Variants in UTS2 observed in about 807,000 individuals in gnomAD.
UTS2 encodes the protein urotensin 2, also known as urotensin-2.
In UTS2, 10 loss-of-function variants were observed where a neutral mutation model predicts 12.6. The observed-to-expected ratio is 0.80, with a 90% confidence interval of 0.49 to 1.35. The LOEUF is 1.35. Ranked by LOEUF, UTS2 falls within the 40% of genes most tolerant of loss-of-function variation. The pLI, the probability that UTS2 is intolerant of heterozygous loss-of-function variation, is 0.00. For synonymous variants in UTS2, 52 were observed against 50.0 expected, an observed-to-expected ratio of 1.04 and a Z score of -0.17; for missense variants, 142 against 143.2, an observed-to-expected ratio of 0.99 and a Z score of 0.04.
the UTS2 span, among the ~76,000 whole-genome samples, chr1:7,879,066 G>A: frequency 1.3e-5 from 2 of 152,148 alleles, no homozygotes; most frequent in Non-Finnish European, 2.9e-5. Flanking sequence ...AACAGTTGGA[G>A]ACTTTAACAC....
chr1:7,907,012 A>G, the UTS2 span, among the ~76,000 whole-genome samples: 1 of 152,140 alleles, frequency 6.6e-6, no homozygotes, highest in Non-Finnish European at 1.5e-5. Flanking sequence ...GCACTTTGGG[A>G]GACCAAGGGG....
the UTS2 span, among the ~76,000 whole-genome samples, chr1:7,896,651 A>C: frequency 6.6e-6 from 1 of 151,968 alleles, no homozygotes; most frequent in Admixed American, 6.6e-5. Flanking sequence ...GACTTTTTTC[A>C]ATTTTTCTTT....
At chr1:7,891,596 G>GA in the UTS2 span, among the ~76,000 whole-genome samples, 1 of 148,264 alleles carries the variant, frequency 6.7e-6, no homozygotes, top group African/African-American at 2.5e-5. Context: ...AAGAAAGAAA[G>GA]AAAATTGCCA....
At chr1:7,902,531 C>T in the UTS2 span, among the ~76,000 whole-genome samples, 3 of 152,142 alleles carry the variant, frequency 2.0e-5, no homozygotes, top group Non-Finnish European at 4.4e-5. Context: ...CATTGTTGGA[C>T]TATTAAGTTA....
At chr1:7,860,868 C>A in the UTS2 span, among the ~76,000 whole-genome samples, 1 of 151,880 alleles carries the variant, frequency 6.6e-6, no homozygotes, top group African/African-American at 2.4e-5. Context: ...CATGGTGAAA[C>A]CCTGTCTGAC....
the UTS2 span, among the ~76,000 whole-genome samples, chr1:7,894,173 CTTTTT>C: frequency 6.0e-5 from 9 of 149,552 alleles, no homozygotes; most frequent in Admixed American, 2.0e-4. Flanking sequence ...TTATCTCTCT[CTTTTT>C]TTATTTCTTT....
At chr1:7,880,746 A>G in the UTS2 span, among the ~76,000 whole-genome samples, 1 of 152,312 alleles carries the variant, frequency 6.6e-6, no homozygotes, top group African/African-American at 2.4e-5. Context: ...ACTAACACCA[A>G]TTCTTCTCAA....
chr1:7,876,688 T>A, the UTS2 span, among the ~76,000 whole-genome samples: 1 of 152,116 alleles, frequency 6.6e-6, no homozygotes, highest in Non-Finnish European at 1.5e-5. Flanking sequence ...ATATAAAGAC[T>A]ATACTTCTGG....
the UTS2 span, among the ~76,000 whole-genome samples, chr1:7,906,443 G>GAA: frequency 7.7e-5 from 7 of 90,348 alleles, no homozygotes; most frequent in Non-Finnish European, 1.6e-4. Flanking sequence ...AAGAAAGAAA[G>GAA]AAAAAGAGAA....
chr1:7,878,825 A>G, the UTS2 span, among the ~76,000 whole-genome samples: 4 of 152,230 alleles, frequency 2.6e-5, no homozygotes, highest in African/African-American at 9.7e-5. Flanking sequence ...AGTACAAAAA[A>G]CATATTCCCT....
the UTS2 span, among the ~76,000 whole-genome samples, chr1:7,908,820 T>A: frequency 6.6e-6 from 1 of 152,050 alleles, no homozygotes; most frequent in East Asian, 1.9e-4. Flanking sequence ...TTTTTTTTTT[T>A]TTTTGAGACG....
intron 1 of UTS2, among the ~76,000 whole-genome samples, chr1:7,852,296 A>G (rs747396541): frequency 1.9e-4 from 29 of 152,336 alleles, no homozygotes; most frequent in Admixed American, 1.3e-4. Flanking sequence ...ATAATGGCAA[A>G]ATGAGAAACT....
At chr1:7,906,473 A>AAGAAAGAAAGAAAGAAAGAAAGAAAG in the UTS2 span, among the ~76,000 whole-genome samples, 16 of 148,392 alleles carry the variant, frequency 1.1e-4, no homozygotes, top group African/African-American at 4.0e-4. Flanking sequence ...GAAAGAAAGA[A>AAGAAAGAAAGAAAGAAAGAAAGAAAG]AGAAAGAAAG....
chr1:7,882,723 A>G, the UTS2 span, among the ~76,000 whole-genome samples: 2 of 152,202 alleles, frequency 1.3e-5, no homozygotes, highest in Admixed American at 1.3e-4. Context: ...ACAGAAAACA[A>G]CAACACATCA....
At chr1:7,866,784 C>T in the UTS2 span, among the ~76,000 whole-genome samples, 2 of 152,176 alleles carry the variant, frequency 1.3e-5, no homozygotes, top group Non-Finnish European at 2.9e-5. The surrounding 1 kb of genome is among the most constrained non-coding windows in gnomAD (Gnocchi z 4.5). Context: ...TTGAACCCCA[C>T]CATCATTTCA....
At chr1:7,888,076 C>G in the UTS2 span, among the ~76,000 whole-genome samples, 29 of 152,324 alleles carry the variant, frequency 1.9e-4, no homozygotes, top group Non-Finnish European at 3.8e-4. Context: ...AACAGCTTCA[C>G]GTTGAACACT....
At chr1:7,864,545 T>C in the UTS2 span, among the ~76,000 whole-genome samples, 1 of 152,240 alleles carries the variant, frequency 6.6e-6, no homozygotes, top group South Asian at 2.1e-4. Flanking sequence ...CTGACGTCTG[T>C]CAGCATGCTT....
the UTS2 span, among the ~76,000 whole-genome samples, chr1:7,863,047 T>TTGAGAC: frequency 1.1e-4 from 4 of 37,028 alleles, no homozygotes; most frequent in South Asian, 1.1e-3. Context: ...TGTATTGTAT[T>TTGAGAC]GTATTGTATT....
the UTS2 span, among the ~76,000 whole-genome samples, chr1:7,891,828 T>G: frequency 2.0e-5 from 3 of 152,168 alleles, no homozygotes; most frequent in African/African-American, 7.2e-5. Context: ...ATTGTTTCAT[T>G]TATGTAAACT....
Sources: allele counts gnomAD v4.1 joint callset (sites outside exome capture counted in the v4.1 genomes callset), GRCh38; gene constraint gnomAD v4.1.1; non-coding constraint Gnocchi (gnomAD v3.1); transcripts MANE v1.5; gene names NCBI Gene and HGNC (gene_info 2026-07-23, HGNC 2026-07-21).